Variants in RIN2 observed in about 807,000 individuals in gnomAD.
RIN2 encodes RAB5 interacting protein 2.
RIN2 carries 36 observed loss-of-function variants against 78.0 expected under a neutral mutation model. The observed-to-expected ratio is 0.46, with a 90% CI of 0.35 to 0.61. RIN2 has a LOEUF of 0.61. RIN2 is among the 20% of genes least tolerant of loss of function. The pLI, the probability that RIN2 is intolerant of heterozygous loss-of-function variation, is 0.00. For missense variants in RIN2, 1,087 were observed against 1,159.7 expected, an observed-to-expected ratio of 0.94 and a Z score of 0.91; for synonymous variants, 466 against 466.8, an observed-to-expected ratio of 1.00 and a Z score of 0.02.
At chr20:19,853,023 TG>T (rs1307248298) in intron 2 of RIN2, among the ~76,000 whole-genome samples, 2 of 148,290 alleles carry the variant, frequency 1.3e-5, no homozygotes, top group East Asian at 2.0e-4. Flanking sequence ...CCTAATGCTA[TG>T]CCTCCCCCTC....
At chr20:19,923,664 G>C (rs2040025168) in intron 3 of RIN2, among the ~76,000 whole-genome samples, 1 of 151,846 alleles carries the variant, frequency 6.6e-6, no homozygotes, top group South Asian at 2.1e-4. Flanking sequence ...ATTTCCTTTA[G>C]ATACTACCAT....
In RIN2 at chr20:20,000,867, C is replaced by T; in HGVS notation, c.2619C>T (p.Tyr873=). ...RPQPHIFHFV[Y]KRIKNDPYGI... is the part of the protein sequence containing the mutation. ...AGCCCCACATCTTCCACTTTGTCTA[C>T]AAACGCATCAAGAACGATCCTTATG... Residue 873 remains tyrosine (Y), a synonymous_variant, in exon 13 of 13, where the codon TAC becomes TAT. Coordinates refer to ENST00000255006, the MANE Select transcript of RIN2 (RefSeq NM_018993.4). 1 of 1,614,004 alleles carries T rather than the reference C, an allele frequency of 6.2e-7. No homozygotes were observed.
At chr20:19,928,264 T>C (rs943633867) in intron 3 of RIN2, among the ~76,000 whole-genome samples, 1 of 152,168 alleles carries the variant, frequency 6.6e-6, no homozygotes, top group African/African-American at 2.4e-5. Flanking sequence ...CTTGACATCA[T>C]CAGCCCTAGC....
At chr20:19,853,395 C>T (rs1436854424) in intron 2 of RIN2, among the ~76,000 whole-genome samples, 3 of 152,026 alleles carry the variant, frequency 2.0e-5, no homozygotes, top group African/African-American at 7.2e-5. Flanking sequence ...TGGGTATATA[C>T]CCAGTAATGG....
intron 7 of RIN2, among the ~76,000 whole-genome samples, chr20:19,970,336 A>C (rs2042065352): frequency 6.6e-6 from 1 of 152,210 alleles, no homozygotes; most frequent in Non-Finnish European, 1.5e-5. Context: ...ACCAAGGCCA[A>C]TGTGTGGGCT....
chr20:19,762,827 G>T lies in RIN2; in HGVS notation c.-163+4500G>T, dbSNP rs558509507. Reference sequence around the variant, plus strand: ...TGCCCAGGCTGGAGTGCAGTGGTGCGATCTCGGCTCACTACAACCTCCACC... The same window carrying T: ...TGCCCAGGCTGGAGTGCAGTGGTGCTATCTCGGCTCACTACAACCTCCACC... On this transcript the variant is annotated intron_variant, in intron 1 of 12. Coordinates refer to ENST00000255006, the MANE Select transcript of RIN2 (RefSeq NM_018993.4). Among the ~76,000 whole-genome samples, 4 of 152,166 alleles carry T rather than the reference G, an allele frequency of 2.6e-5. No individual in the cohort carries two copies. In the South Asian group the frequency reaches 6.2e-4, roughly 24 times the overall value.
intron 2 of RIN2, among the ~76,000 whole-genome samples, chr20:19,805,532 G>T (rs1415981789): frequency 6.6e-6 from 1 of 152,092 alleles, no homozygotes; most frequent in Non-Finnish European, 1.5e-5. Flanking sequence ...CTCCCAGGTA[G>T]CTGGGATTAC....
intron 2 of RIN2, among the ~76,000 whole-genome samples, chr20:19,805,253 G>A (rs1276519710): frequency 1.3e-5 from 2 of 152,200 alleles, no homozygotes; most frequent in African/African-American, 4.8e-5. Flanking sequence ...GGAGGGCAAA[G>A]AGGCCATACA....
chr20:19,988,565 A>G (rs1055131655), intron 9 of RIN2, among the ~76,000 whole-genome samples: 32 of 152,214 alleles, frequency 2.1e-4, no homozygotes, highest in African/African-American at 7.5e-4. Context: ...TGAGGTCAAA[A>G]AGCTGCTATT....
chr20:19,783,137 T>G (rs1332747239), intron 1 of RIN2, among the ~76,000 whole-genome samples: 2 of 152,242 alleles, frequency 1.3e-5, no homozygotes, highest in Non-Finnish European at 2.9e-5. Context: ...GGTGGTAGTG[T>G]GTTGCTGTAT....
intron 2 of RIN2, among the ~76,000 whole-genome samples, chr20:19,887,212 C>G (rs963845590): frequency 6.0e-5 from 9 of 150,546 alleles, no homozygotes; most frequent in Non-Finnish European, 1.0e-4. Context: ...TTTTTAGAGA[C>G]AGGGTCTCGC....
chr20:19,782,216 T>C (rs1160939981), intron 1 of RIN2, among the ~76,000 whole-genome samples: 1 of 152,198 alleles, frequency 6.6e-6, no homozygotes, highest in Non-Finnish European at 1.5e-5. Flanking sequence ...ATCAAGCCTA[T>C]ATGTTCCTTG....
chr20:19,857,904 C>A (rs2037214436), intron 2 of RIN2, among the ~76,000 whole-genome samples: 1 of 152,098 alleles, frequency 6.6e-6, no homozygotes, highest in South Asian at 2.1e-4. Flanking sequence ...TTTGAATATT[C>A]TCTGTAGTGA....
intron 1 of RIN2, among the ~76,000 whole-genome samples, chr20:19,764,939 T>TTTTTTTTTTTTC (rs2033819478): frequency 7.4e-6 from 1 of 135,112 alleles, no homozygotes; most frequent in South Asian, 2.4e-4. Context: ...TTTTTTTTTT[T>TTTTTTTTTTTTC]TTTTGACAGA....
At chr20:19,817,237 A>G (rs1350364236) in intron 2 of RIN2, among the ~76,000 whole-genome samples, 2 of 152,244 alleles carry the variant, frequency 1.3e-5, no homozygotes, top group Non-Finnish European at 2.9e-5. Flanking sequence ...TATAAACAAT[A>G]GAAATGTACT....
At chr20:19,833,504 T>A (rs536548949) in intron 2 of RIN2, among the ~76,000 whole-genome samples, 5 of 152,326 alleles carry the variant, frequency 3.3e-5, no homozygotes, top group Admixed American at 2.0e-4. Flanking sequence ...TAAGTACAAA[T>A]GTCCCTTGGT....
chr20:19,852,080 C>T (rs987807782), intron 2 of RIN2, among the ~76,000 whole-genome samples: 14 of 152,108 alleles, frequency 9.2e-5, no homozygotes, highest in South Asian at 4.1e-4. Flanking sequence ...AGCACAAGCC[C>T]GACCACAGAA....
intron 2 of RIN2, among the ~76,000 whole-genome samples, chr20:19,803,032 G>A (rs898656308): frequency 3.3e-5 from 5 of 152,072 alleles, no homozygotes; most frequent in Non-Finnish European, 2.9e-5. Context: ...ACAATTAACC[G>A]AGAATGCTTT....
chr20:19,929,940 G>A (rs920402318), intron 3 of RIN2, among the ~76,000 whole-genome samples: 2 of 152,116 alleles, frequency 1.3e-5, no homozygotes, highest in Non-Finnish European at 2.9e-5. Context: ...TGCTGCTGGC[G>A]GAGGGCCCAG....
Sources: allele counts gnomAD v4.1 joint callset (sites outside exome capture counted in the v4.1 genomes callset), GRCh38; gene constraint gnomAD v4.1.1; transcripts MANE v1.5; gene names NCBI Gene and HGNC (gene_info 2026-07-23, HGNC 2026-07-21).